GSN: variants seen among roughly 807,000 people sequenced by gnomAD.
The protein encoded by GSN is actin-depolymerizing factor.
In GSN, 56 loss-of-function variants were observed where a neutral mutation model predicts 85.7. The ratio of observed to expected loss-of-function variants is 0.65; its 90% CI spans 0.53 to 0.82. The LOEUF is 0.82. Ranked by LOEUF, GSN falls within the 40% of genes least tolerant of loss-of-function variation. The pLI, the probability that GSN is intolerant of heterozygous loss-of-function variation, is 0.00. For synonymous variants in GSN, 373 were observed against 399.1 expected, an observed-to-expected ratio of 0.93 and a Z score of 0.78; for missense variants, 857 against 979.8, an observed-to-expected ratio of 0.87 and a Z score of 1.67.
chr9:121,227,803 A>T (rs1042927645), intron 4 of GSN, among the ~76,000 whole-genome samples: 1 of 152,042 alleles, frequency 6.6e-6, no homozygotes, highest in African/African-American at 2.4e-5. Flanking sequence ...ATACCTGGGG[A>T]TACCAAGCAA....
intron 6 of GSN, among the ~76,000 whole-genome samples, chr9:121,250,062 T>C (rs2054786023): frequency 6.6e-6 from 1 of 152,232 alleles, no homozygotes; most frequent in Non-Finnish European, 1.5e-5. Flanking sequence ...AGTCTAGCCT[T>C]TGGCTCCCTG....
rs1484453942 is a variant in GSN at position 121,317,151 on chromosome 9, G to T, written c.819G>T (p.Gly273=). 2.5e-6 allele frequency: 4 copies of T among 1,614,142 alleles called. No homozygotes were observed. The South Asian group carries it at 4.4e-5, about 18-fold the overall frequency. Reference sequence around the variant, plus strand: ...CTGATGAGAACCCCTTCGCCCAGGGGGCCCTGAAGTCAGAGGACTGCTTCA... The same window carrying T: ...CTGATGAGAACCCCTTCGCCCAGGGTGCCCTGAAGTCAGAGGACTGCTTCA... ...LVADENPFAQ[G]ALKSEDCFIL... Residue 273 remains glycine (G), a synonymous_variant, in exon 8 of 18, where the codon GGG becomes GGT. Transcript: ENST00000432226.
intron 4 of GSN, 79 bp downstream of exon 4, chr9:121,303,144 T>C (rs942508061): frequency 1.1e-5 from 16 of 1,443,970 alleles, no homozygotes; most frequent in Admixed American, 3.4e-5. Context: ...ATCTATCTTT[T>C]GGCCTTGTGA....
At chr9:121,314,798 C>T (rs2061535673) in intron 7 of GSN, among the ~76,000 whole-genome samples, 1 of 152,190 alleles carries the variant, frequency 6.6e-6, no homozygotes. Flanking sequence ...AGCCTCTCCT[C>T]CTCATGAGAG....
rs756106686 is a variant in GSN, at chr9:121,299,254, C to T, written c.-9-2709C>T. ...TCTGCCCCGCCCCTCTGAGTCCTGC[C>T]GGCTTCACCTGCCCACGGGAGCCGG... On this transcript the variant is annotated intron_variant, in intron 2 of 17. Coordinates refer to ENST00000432226, the MANE Select transcript of GSN (RefSeq NM_198252.3). This position sits in a 1 kb window ranked among gnomAD's most constrained non-coding sequence, Gnocchi z 4.2. 2.0e-5 allele frequency: 20 copies of T among 981,204 alleles called. No homozygotes were observed. Among genetic ancestry groups the T allele is most frequent in the Non-Finnish European group, 2.4e-5 (20 of 826,162 alleles). 60.8% of individuals were successfully genotyped at this position (981,204 alleles called of 1,614,324 possible). A position where few individuals can be genotyped will look rare whatever the true frequency, so the allele number is the denominator to read the frequency against.
chr9:121,234,763 C>A (rs34653700), intron 5 of GSN, among the ~76,000 whole-genome samples: 1 of 152,156 alleles, frequency 6.6e-6, no homozygotes, highest in Non-Finnish European at 1.5e-5. Context: ...GCTGGAAGAT[C>A]GCTTAAGCCC....
intron 8 of GSN, chr9:121,317,519 T>C: frequency 2.5e-6 from 1 of 407,712 alleles, no homozygotes; most frequent in South Asian, 2.2e-5. Flanking sequence ...AGAAAACATC[T>C]AACTGTATGG....
chr9:121,244,619 G>A (rs924811802), intron 5 of GSN, among the ~76,000 whole-genome samples: 1 of 152,188 alleles, frequency 6.6e-6, no homozygotes, highest in Non-Finnish European at 1.5e-5. Flanking sequence ...ATAAAAAGGT[G>A]CATGTGCAAG....
Position 121,331,393 on chromosome 9 carries a change from T to C in GSN, c.1971T>C (p.Phe657=). The C allele has an allele frequency of 1.2e-6, 2 of 1,602,386 alleles. No individual in the cohort carries two copies. Among genetic ancestry groups the C allele is most frequent in the East Asian group, 4.5e-5 (2 of 44,634 alleles). The change falls in exon 17 of 18, where the codon TTT becomes TTC. Residue 657 remains phenylalanine (F), a synonymous_variant. Coordinates refer to ENST00000432226, the MANE Select transcript of GSN (RefSeq NM_198252.3). ...CTGTTGCATCTCACCTCCAGGTCTT[T>C]GTCTGGGTTGGAAAGGATTCTCAAG... ...VMLLDTWDQV[F]VWVGKDSQEE... is the part of the protein sequence containing the mutation.
At chr9:121,226,902 C>T (rs1025153873) in intron 4 of GSN, among the ~76,000 whole-genome samples, 6 of 152,188 alleles carry the variant, frequency 3.9e-5, no homozygotes, top group South Asian at 2.1e-4. Context: ...ATCATGCCTA[C>T]GTGATGAAGG....
At chr9:121,264,121 T>C (rs2055147636), upstream of GSN, among the ~76,000 whole-genome samples, 1 of 152,104 alleles carries the variant, frequency 6.6e-6, no homozygotes, top group Non-Finnish European at 1.5e-5. Context: ...TATTGAAGGC[T>C]GTGCTTAATA....
intron 6 of GSN, among the ~76,000 whole-genome samples, chr9:121,262,732 T>C (rs542086327): frequency 1.3e-5 from 2 of 152,356 alleles, no homozygotes; most frequent in South Asian, 2.1e-4. Context: ...AGTGCTTATA[T>C]GGAACACAAA....
At chr9:121,323,544 A>G (rs1422502024) in intron 11 of GSN, among the ~76,000 whole-genome samples, 1 of 119,208 alleles carries the variant, frequency 8.4e-6, no homozygotes, top group East Asian at 2.7e-4. Flanking sequence ...TAATTTTTGT[A>G]TTTTTAGTAG....
At chr9:121,210,462 A>C (rs2053951308) in intron 3 of GSN, 1 of 152,098 alleles carries the variant, frequency 6.6e-6, no homozygotes, top group African/African-American at 2.4e-5. Context: ...TCCTTTGGGG[A>C]GGTGAATATA....
chr9:121,271,433 C>CA (rs1244246132), intron 1 of GSN, among the ~76,000 whole-genome samples: 21 of 152,172 alleles, frequency 1.4e-4, no homozygotes, highest in Admixed American at 5.9e-4. Flanking sequence ...TGATTCCTTG[C>CA]AACCATTCCT....
intron 4 of GSN, among the ~76,000 whole-genome samples, chr9:121,303,776 C>T (rs1263873307): frequency 2.6e-5 from 4 of 152,136 alleles, no homozygotes; most frequent in Non-Finnish European, 4.4e-5. Flanking sequence ...TGGGGCTTGG[C>T]CATCTGGAAG....
At chr9:121,221,267 T>A (rs1223341891) in intron 4 of GSN, among the ~76,000 whole-genome samples, 1 of 152,216 alleles carries the variant, frequency 6.6e-6, no homozygotes, top group Non-Finnish European at 1.5e-5. Flanking sequence ...CTGACCATGT[T>A]CTTCCCAAAA....
At chr9:121,326,482 CCCTGACTT>C (rs757759952) in intron 12 of GSN, 22 bp from the exon 13 acceptor site, 1 of 1,601,940 alleles carries the variant, frequency 6.2e-7, no homozygotes, top group Non-Finnish European at 8.5e-7. Flanking sequence ...CCCCCAAGGT[CCCTGACTT>C]GCTCTCCTGT....
At chr9:121,239,853 C>A in intron 5 of GSN, 1 of 224,064 alleles carries the variant, frequency 4.5e-6, no homozygotes, top group East Asian at 1.2e-4. Context: ...GTCTCTGTGC[C>A]ATCTAGTAAT....
Sources: allele counts gnomAD v4.1 joint callset (sites outside exome capture counted in the v4.1 genomes callset), GRCh38; gene constraint gnomAD v4.1.1; non-coding constraint Gnocchi (gnomAD v3.1); transcripts MANE v1.5; gene names NCBI Gene and HGNC (gene_info 2026-07-23, HGNC 2026-07-21).